DLGAP2: variants seen among roughly 807,000 people sequenced by gnomAD.
The protein encoded by DLGAP2 is disks large-associated protein 2.
DLGAP2 carries 26 observed loss-of-function variants against 100.3 expected under a neutral mutation model. The observed-to-expected ratio is 0.26, with a 90% CI of 0.19 to 0.36. The LOEUF (loss-of-function observed/expected upper bound fraction) is 0.36, where lower values mean the gene tolerates loss of function less well. Among genes scored for constraint, DLGAP2 ranks in the 10% least tolerant of loss-of-function variants. The probability of loss-of-function intolerance (pLI) is 1.00; values close to 1 mark genes in which losing one functional copy is unlikely to be tolerated. For synonymous variants in DLGAP2, 886 were observed against 630.1 expected (o/e 1.41, Z -6.08); for missense variants, 1,858 against 1,453.2 (o/e 1.28, Z -4.53).
At chr8:1,298,904 G>A (rs915312279) in intron 3 of DLGAP2, among the ~76,000 whole-genome samples, 13 of 151,914 alleles carry the variant, frequency 8.6e-5, no homozygotes, top group Non-Finnish European at 2.9e-5. Context: ...GGAACGGGGG[G>A]AGAACCCGGG....
intron 6 of DLGAP2, among the ~76,000 whole-genome samples, chr8:1,587,322 G>A (rs1051912006): frequency 2.0e-5 from 3 of 152,146 alleles, no homozygotes; most frequent in African/African-American, 7.2e-5. Context: ...AGCTTCAGGG[G>A]GATGGTCTTG....
chr8:1,454,485 C>T (rs1385250308), intron 3 of DLGAP2, among the ~76,000 whole-genome samples: 1 of 152,082 alleles, frequency 6.6e-6, no homozygotes, highest in Non-Finnish European at 1.5e-5. Flanking sequence ...GTAGTGGTGA[C>T]TCGAACCAGA....
At chr8:1,598,383 T>C (rs767512777) in intron 6 of DLGAP2, among the ~76,000 whole-genome samples, 1 of 152,238 alleles carries the variant, frequency 6.6e-6, no homozygotes, top group Non-Finnish European at 1.5e-5. Flanking sequence ...CCTCATAAAA[T>C]GAGTTAGAGA....
intron 2 of DLGAP2, among the ~76,000 whole-genome samples, chr8:1,125,867 G>A (rs1198725843): frequency 2.0e-5 from 3 of 152,234 alleles, no homozygotes; most frequent in South Asian, 2.1e-4. Flanking sequence ...GTGGAAATGC[G>A]GGGAGGCAGA....
At chr8:962,241 C>G (rs114377408) in intron 2 of DLGAP2, among the ~76,000 whole-genome samples, 2,329 of 152,264 alleles carry the variant, frequency 0.015, 70 homozygotes, top group African/African-American at 0.054. Flanking sequence ...TCTCCCATCT[C>G]AAGTAGTAAA....
chr8:1,008,704 T>C (rs1801191303), intron 2 of DLGAP2, among the ~76,000 whole-genome samples: 1 of 152,212 alleles, frequency 6.6e-6, no homozygotes, highest in African/African-American at 2.4e-5. Flanking sequence ...TGGTACTCAC[T>C]ACATCGCCAT....
chr8:1,114,011 G>A (rs1805040343), intron 2 of DLGAP2, among the ~76,000 whole-genome samples: 1 of 152,156 alleles, frequency 6.6e-6, no homozygotes, highest in Non-Finnish European at 1.5e-5. Context: ...ATTGATTTGT[G>A]TATGTTGAAC....
At chr8:1,054,252 A>C (rs545108150) in intron 2 of DLGAP2, among the ~76,000 whole-genome samples, 1 of 151,964 alleles carries the variant, frequency 6.6e-6, no homozygotes, top group Non-Finnish European at 1.5e-5. Flanking sequence ...ACACACACGT[A>C]CACACACGCA....
At chr8:850,040 G>A (rs2128987450) in intron 1 of DLGAP2, among the ~76,000 whole-genome samples, 1 of 145,990 alleles carries the variant, frequency 6.8e-6, no homozygotes, top group East Asian at 2.2e-4. Flanking sequence ...TCCAGCCTGG[G>A]CAACAGAAGG....
chr8:1,508,098 T>C (rs1051972269), intron 4 of DLGAP2, among the ~76,000 whole-genome samples: 4 of 151,932 alleles, frequency 2.6e-5, no homozygotes, highest in Non-Finnish European at 5.9e-5. Flanking sequence ...TAAATTTTAT[T>C]TCCACACAAA....
At position 912,392 on chromosome 8, in the gene DLGAP2, C is replaced by G. The variant is rs77950051; in HGVS notation, c.73+4426C>G. Among the ~76,000 whole-genome samples the G allele has an allele frequency of 4.7e-3, 720 of 152,326 alleles. 5 individuals are homozygous for G. The highest frequency in any genetic ancestry group is 0.016 in the African/African-American group (682 of 41,574). On this transcript the variant is annotated intron_variant, in intron 2 of 14. Coordinates refer to ENST00000637795, the MANE Select transcript of DLGAP2 (RefSeq NM_001346810.2). The stretch of plus-strand genomic sequence containing the variant: ...TATTTGCAAATACGTAATGGAAACT[C>G]CTGACTCTGAAATCAGGTCCCCGCA...
chr8:1,496,143 G>A (rs975689580), intron 3 of DLGAP2, among the ~76,000 whole-genome samples: 25 of 152,252 alleles, frequency 1.6e-4, no homozygotes, highest in Middle Eastern at 3.4e-3. Flanking sequence ...ATGGTCCATC[G>A]GTCACTCACC....
intron 1 of DLGAP2, among the ~76,000 whole-genome samples, chr8:743,751 G>T (rs1443959503): frequency 6.6e-6 from 1 of 152,170 alleles, no homozygotes; most frequent in Non-Finnish European, 1.5e-5. Context: ...TTTTAGTAGA[G>T]ATGGGGTTTC....
At chr8:1,219,019 T>A (rs768830539) in intron 2 of DLGAP2, among the ~76,000 whole-genome samples, 2 of 152,228 alleles carry the variant, frequency 1.3e-5, no homozygotes, top group African/African-American at 2.4e-5. Context: ...TAGGAGCCTT[T>A]GGGCAGAAAC....
At chr8:1,517,564 C>T (rs1800436930) in intron 4 of DLGAP2, among the ~76,000 whole-genome samples, 1 of 152,182 alleles carries the variant, frequency 6.6e-6, no homozygotes, top group Admixed American at 6.5e-5. Flanking sequence ...CTGAGAAGCT[C>T]TCCTCCGAGT....
chr8:1,187,866 G>A (rs531112400), intron 2 of DLGAP2, among the ~76,000 whole-genome samples: 3 of 120,526 alleles, frequency 2.5e-5, no homozygotes, highest in South Asian at 2.6e-4. Flanking sequence ...CGGGACCCCC[G>A]TGACGTTTGC....
At chr8:1,049,269 G>A (rs1381124714) in intron 2 of DLGAP2, among the ~76,000 whole-genome samples, 1 of 152,140 alleles carries the variant, frequency 6.6e-6, no homozygotes, top group Non-Finnish European at 1.5e-5. Context: ...ATAATAAAAT[G>A]GCGAGTTTTA....
At chr8:1,412,388 A>G (rs182801111) in intron 3 of DLGAP2, among the ~76,000 whole-genome samples, 2 of 152,008 alleles carry the variant, frequency 1.3e-5, no homozygotes, top group Non-Finnish European at 2.9e-5. Flanking sequence ...GAGGTTCCAA[A>G]AGGTTCTCAG....
intron 3 of DLGAP2, among the ~76,000 whole-genome samples, chr8:1,412,048 A>G (rs1043455669): frequency 6.6e-6 from 1 of 152,102 alleles, no homozygotes; most frequent in South Asian, 2.1e-4. Context: ...CCTGCCATGG[A>G]CCCTCACCTC....
Sources: allele counts gnomAD v4.1 joint callset (sites outside exome capture counted in the v4.1 genomes callset), GRCh38; gene constraint gnomAD v4.1.1; transcripts MANE v1.5; gene names NCBI Gene and HGNC (gene_info 2026-07-23, HGNC 2026-07-21).